Variants in BICD2 observed in about 807,000 individuals in gnomAD.
BICD2 encodes the protein BICD cargo adaptor 2.
BICD2 carries 25 observed loss-of-function variants against 72.9 expected under a neutral mutation model. That is an observed-to-expected ratio of 0.34 (90% CI 0.25 to 0.48). BICD2 has a LOEUF of 0.48. BICD2 is among the 20% of genes least tolerant of loss of function. BICD2 has a pLI of 0.99. For missense variants in BICD2, 894 were observed against 1,175.2 expected, an observed-to-expected ratio of 0.76 and a Z score of 3.50; for synonymous variants, 501 against 516.1, an observed-to-expected ratio of 0.97 and a Z score of 0.40.
At chr9:92,728,208 G>A (rs1055534488) in intron 2 of BICD2, among the ~76,000 whole-genome samples, 2 of 152,184 alleles carry the variant, frequency 1.3e-5, no homozygotes, top group African/African-American at 4.8e-5. Context: ...GTTCCCCTGG[G>A]CTCCCCAGTC....
At chr9:92,757,573 T>C (rs1421704039) in intron 1 of BICD2, among the ~76,000 whole-genome samples, 22 of 107,750 alleles carry the variant, frequency 2.0e-4, no homozygotes, top group Non-Finnish European at 1.2e-4. Flanking sequence ...CAGGCGCCTA[T>C]AGTCCCAGCT....
intron 1 of BICD2, among the ~76,000 whole-genome samples, chr9:92,733,517 G>A (rs1246950928): frequency 4.6e-5 from 7 of 150,836 alleles, no homozygotes; most frequent in Non-Finnish European, 8.9e-5. Flanking sequence ...CAACCTGGAC[G>A]ACAGAGGAAA....
At chr9:92,727,043 C>A (rs1853581043) in intron 2 of BICD2, among the ~76,000 whole-genome samples, 1 of 152,154 alleles carries the variant, frequency 6.6e-6, no homozygotes, top group African/African-American at 2.4e-5. Flanking sequence ...TCTCTCCATA[C>A]ACACAGCCCC....
chr9:92,723,796 G>A (rs142684474), intron 2 of BICD2, among the ~76,000 whole-genome samples: 18 of 152,322 alleles, frequency 1.2e-4, no homozygotes, highest in African/African-American at 4.3e-4. Flanking sequence ...CAGGGTTGGG[G>A]CAAACAGGAT....
intron 2 of BICD2, among the ~76,000 whole-genome samples, chr9:92,723,924 C>A (rs1413848254): frequency 1.3e-5 from 2 of 152,114 alleles, no homozygotes; most frequent in East Asian, 3.8e-4. Context: ...GCCTGTACAT[C>A]ATATGTCTAG....
At position 92,720,289 on chromosome 9, in the gene BICD2, T is replaced by C; in HGVS notation, c.1062+11A>G. 6.2e-7 allele frequency: 1 copy of C among 1,600,336 alleles called. No homozygotes were observed. Among genetic ancestry groups the C allele is most frequent in the Non-Finnish European group, 8.5e-7 (1 of 1,172,612 alleles). On this transcript the variant is annotated intron_variant, in intron 4 of 6. Transcript: ENST00000356884. This position sits in a 1 kb window ranked among gnomAD's most constrained non-coding sequence, Gnocchi z 5.4. Reference sequence around the variant, plus strand: ...GGGGACAGCGTGCCGAAGGCCCCACTGCCTGCTCACCTGCATCAGCTGCTG... The same window carrying C: ...GGGGACAGCGTGCCGAAGGCCCCACCGCCTGCTCACCTGCATCAGCTGCTG...
At chr9:92,740,948 G>A (rs1266807838) in intron 1 of BICD2, among the ~76,000 whole-genome samples, 3 of 152,212 alleles carry the variant, frequency 2.0e-5, no homozygotes, top group South Asian at 2.1e-4. Flanking sequence ...GAGTCTGGGT[G>A]CTGTGTAGCA....
At chr9:92,724,643 A>G (rs1853529403) in intron 2 of BICD2, among the ~76,000 whole-genome samples, 1 of 152,202 alleles carries the variant, frequency 6.6e-6, no homozygotes, top group Non-Finnish European at 1.5e-5. Flanking sequence ...GGGAGAAAGC[A>G]GCACCAGCAC....
chr9:92,717,119 G>A (rs1853332019), intron 6 of BICD2, among the ~76,000 whole-genome samples: 1 of 152,202 alleles, frequency 6.6e-6, no homozygotes, highest in Non-Finnish European at 1.5e-5. Flanking sequence ...GTGCCATATG[G>A]CCAAGTTCTT....
chr9:92,737,167 C>T (rs1418023000), intron 1 of BICD2, among the ~76,000 whole-genome samples: 5 of 152,180 alleles, frequency 3.3e-5, no homozygotes, highest in Middle Eastern at 3.2e-3. Flanking sequence ...GGGCGCCAAT[C>T]ACAATGTGCC....
At chr9:92,737,603 G>T (rs1853815306) in intron 1 of BICD2, among the ~76,000 whole-genome samples, 1 of 152,186 alleles carries the variant, frequency 6.6e-6, no homozygotes, top group South Asian at 2.1e-4. Flanking sequence ...GCTGGACGAT[G>T]AAGGAAGAGT....
chr9:92,720,266 G>T lies in BICD2; in HGVS notation c.1062+34C>A. 6.3e-7 allele frequency: 1 copy of T among 1,576,308 alleles called. No homozygotes were observed. The highest frequency in any genetic ancestry group is 1.2e-5 in the South Asian group (1 of 84,536). On this transcript the variant is annotated intron_variant, in intron 4 of 6. Transcript: ENST00000356884. The surrounding 1 kb of genome is among the most constrained non-coding windows in gnomAD (Gnocchi z 5.4). The stretch of plus-strand genomic sequence containing the variant: ...GGGGAGCCCTGCAGACCTGGAGTGG[G>T]GACAGCGTGCCGAAGGCCCCACTGC...
intron 2 of BICD2, among the ~76,000 whole-genome samples, chr9:92,726,219 GA>G (rs1485171316): frequency 6.6e-6 from 1 of 152,190 alleles, no homozygotes; most frequent in Non-Finnish European, 1.5e-5. Context: ...AGGGTCACCA[GA>G]AGGACCAGGT....
intron 1 of BICD2, among the ~76,000 whole-genome samples, chr9:92,749,361 G>A (rs1854098211): frequency 1.3e-5 from 2 of 152,202 alleles, no homozygotes; most frequent in Non-Finnish European, 2.9e-5. Flanking sequence ...CCTACTGGGT[G>A]GCTTTGGAAC....
At chr9:92,718,463 G>A (rs897034418) in intron 5 of BICD2, 76 bp downstream of exon 5, 390 of 1,519,206 alleles carry the variant, frequency 2.6e-4, no homozygotes, top group East Asian at 1.2e-3. Context: ...CGTGGCAGGG[G>A]GAGGAAGGAG....
chr9:92,753,151 T>C (rs555582592), intron 1 of BICD2, among the ~76,000 whole-genome samples: 101 of 152,284 alleles, frequency 6.6e-4, no homozygotes, highest in African/African-American at 2.4e-3. Context: ...GTGAAAAACA[T>C]TCTACTAAAC....
intron 1 of BICD2, among the ~76,000 whole-genome samples, chr9:92,752,547 T>C (rs1194921535): frequency 6.6e-6 from 1 of 151,950 alleles, no homozygotes; most frequent in Non-Finnish European, 1.5e-5. Flanking sequence ...ATAGGAGAAG[T>C]ACATAAGCCA....
intron 1 of BICD2, among the ~76,000 whole-genome samples, chr9:92,740,014 G>A (rs760998783): frequency 7.2e-5 from 11 of 152,168 alleles, no homozygotes; most frequent in African/African-American, 2.7e-4. Flanking sequence ...ATTATTATGA[G>A]ATAAAGAATT....
Position 92,713,655 on chromosome 9 carries a change from G to T in BICD2, c.*1499C>A. ...CCTTAGGAGTATGGAGAGAAGCTAT[G>T]TGCCAGGCTTGCAAGGAGAGGGCAA... is the stretch of plus-strand genomic sequence containing the variant. On this transcript the variant is annotated 3_prime_UTR_variant, in exon 7 of 7. Coordinates refer to ENST00000356884, the MANE Select transcript of BICD2 (RefSeq NM_001003800.2). 6.9e-7 allele frequency: 1 copy of T among 1,452,392 alleles called. No individual in the cohort carries two copies. Among genetic ancestry groups the T allele is most frequent in the South Asian group, 1.4e-5 (1 of 71,432 alleles). 90.0% of individuals were successfully genotyped at this position (1,452,392 alleles called of 1,614,324 possible).
Sources: gnomAD v4.1 joint callset for allele counts (sites outside exome capture counted in the v4.1 genomes callset) on GRCh38, gnomAD v4.1.1 for gene constraint, Gnocchi (gnomAD v3.1) non-coding constraint, MANE v1.5 for transcripts, NCBI Gene and HGNC (gene_info 2026-07-23, HGNC 2026-07-21) for gene names.